The following RBM27 variants were observed in gnomAD, a reference collection of about 807,000 sequenced individuals.
The protein encoded by RBM27 is RNA-binding protein 27.
RBM27 carries 22 observed loss-of-function variants against 135.3 expected under a neutral mutation model. The ratio of observed to expected loss-of-function variants is 0.16; its 90% CI spans 0.12 to 0.23. The LOEUF (loss-of-function observed/expected upper bound fraction) is 0.23. RBM27 is among the 10% of genes least tolerant of loss of function. The pLI is 1.00. For missense variants in RBM27, 1,009 were observed against 1,281.0 expected, an observed-to-expected ratio of 0.79 and a Z score of 3.24; for synonymous variants, 481 against 442.4, an observed-to-expected ratio of 1.09 and a Z score of -1.10.
intron 8 of RBM27, among the ~76,000 whole-genome samples, chr5:146,246,501 C>G (rs1757628727): frequency 6.6e-6 from 1 of 152,108 alleles, no homozygotes; most frequent in African/African-American, 2.4e-5. Context: ...ATTACTGTAA[C>G]CTATTTGATA....
chr5:146,256,489 A>G (rs1202582546), intron 10 of RBM27, among the ~76,000 whole-genome samples: 1 of 151,434 alleles, frequency 6.6e-6, no homozygotes, highest in East Asian at 1.9e-4. Context: ...AGCTGGGATT[A>G]CAGGTGTGCA....
chr5:146,208,370 C>T (rs183128514), intron 1 of RBM27, among the ~76,000 whole-genome samples: 77 of 152,184 alleles, frequency 5.1e-4, no homozygotes, highest in Non-Finnish European at 5.1e-4. Flanking sequence ...TTGTAGGTGG[C>T]GAACATGTCT....
chr5:146,276,169 C>A (rs1759083830), intron 19 of RBM27, among the ~76,000 whole-genome samples: 1 of 151,892 alleles, frequency 6.6e-6, no homozygotes, highest in Non-Finnish European at 1.5e-5. Flanking sequence ...CTGCTTCCCA[C>A]CTCTCCAGTT....
intron 8 of RBM27, among the ~76,000 whole-genome samples, chr5:146,243,500 AG>A (rs1757497301): frequency 6.6e-6 from 1 of 152,198 alleles, no homozygotes; most frequent in Non-Finnish European, 1.5e-5. Context: ...TGTGATGTTC[AG>A]CCAGTAACTA....
At chr5:146,238,077 CT>C (rs1757245149) in intron 8 of RBM27, among the ~76,000 whole-genome samples, 2 of 152,258 alleles carry the variant, frequency 1.3e-5, no homozygotes, top group East Asian at 3.9e-4. Flanking sequence ...TAAGATGTAT[CT>C]CCTAAGAAGT....
chr5:146,218,325 G>A (rs564393508), intron 1 of RBM27, among the ~76,000 whole-genome samples: 1 of 152,282 alleles, frequency 6.6e-6, no homozygotes, highest in Admixed American at 6.5e-5. Flanking sequence ...GAAAAAATGA[G>A]AAGTAGATAA....
At position 146,219,803 on chromosome 5, in the gene RBM27, T is replaced by C. The variant is rs549181260; in HGVS notation, c.178+700T>C. 2.6e-5 allele frequency among the ~76,000 whole-genome samples: 4 copies of C among 152,300 alleles called. No individual in the cohort carries two copies. In the East Asian group the frequency reaches 7.7e-4, roughly 29 times the overall value. On this transcript the variant is annotated intron_variant, in intron 2 of 20. Coordinates refer to ENST00000265271, the MANE Select transcript of RBM27 (RefSeq NM_018989.2). ...AGCAGTTTCCCCTGAGTGCTCTACA[T>C]ACAGTGTAGTATACTCCATGCCTCC...
At chr5:146,204,715 C>T (rs1356715513) in intron 1 of RBM27, among the ~76,000 whole-genome samples, 1 of 151,896 alleles carries the variant, frequency 6.6e-6, no homozygotes, top group Admixed American at 6.6e-5. Flanking sequence ...TATTCTTGTG[C>T]CATTGAGAGG....
At chr5:146,276,280 G>A (rs1287041425) in intron 19 of RBM27, among the ~76,000 whole-genome samples, 1 of 152,036 alleles carries the variant, frequency 6.6e-6, no homozygotes, top group Non-Finnish European at 1.5e-5. Flanking sequence ...GTCTGGGGAA[G>A]GGTATGAAAT....
intron 1 of RBM27, among the ~76,000 whole-genome samples, chr5:146,214,006 T>C (rs114128500): frequency 1.3e-5 from 2 of 152,218 alleles, no homozygotes; most frequent in African/African-American, 4.8e-5. Flanking sequence ...AGGTAACTGT[T>C]GGTTGATACT....
intron 1 of RBM27, among the ~76,000 whole-genome samples, chr5:146,209,364 A>G (rs993099889): frequency 3.3e-5 from 5 of 152,244 alleles, no homozygotes; most frequent in Non-Finnish European, 5.9e-5. Flanking sequence ...AGTCAAAGTC[A>G]TAGACTTGAT....
intron 8 of RBM27, among the ~76,000 whole-genome samples, chr5:146,248,094 A>AC (rs1757707611): frequency 6.8e-6 from 1 of 148,044 alleles, no homozygotes; most frequent in South Asian, 2.1e-4. Flanking sequence ...TCCAAAGGGA[A>AC]CTCCTGTTTT....
intron 9 of RBM27, 87 bp downstream of exon 9, chr5:146,251,962 C>T: frequency 7.2e-7 from 1 of 1,392,772 alleles, no homozygotes; most frequent in Non-Finnish European, 1.0e-6. Context: ...GCATCCTGAT[C>T]TGCTGTTACA....
intron 8 of RBM27, among the ~76,000 whole-genome samples, chr5:146,240,975 A>G (rs1350408975): frequency 6.6e-6 from 1 of 152,008 alleles, no homozygotes; most frequent in Non-Finnish European, 1.5e-5. Flanking sequence ...CTCAGTTTCA[A>G]CCTTTATCAA....
chr5:146,261,728 C>T lies in RBM27; in HGVS notation c.2112C>T (p.His704=). 1.2e-6 allele frequency: 2 copies of T among 1,614,218 alleles called. No homozygotes were observed. The highest frequency in any genetic ancestry group is 1.3e-5 in the African/African-American group (1 of 75,068). The change falls in exon 13 of 21, where the codon CAC becomes CAT. Residue 704 remains histidine (H), a synonymous_variant. Coordinates refer to ENST00000265271, the MANE Select transcript of RBM27 (RefSeq NM_018989.2). ...TLSHLSQQHH[H]LPQHLHQQQV... ...GTCACCTCTCACAGCAGCACCATCA[C>T]CTGCCACAGCATCTACATCAGCAGC...
At chr5:146,267,436 G>GTT (rs1758662742) in intron 14 of RBM27, among the ~76,000 whole-genome samples, 1 of 152,130 alleles carries the variant, frequency 6.6e-6, no homozygotes, top group African/African-American at 2.4e-5. Flanking sequence ...GTGAAATTGT[G>GTT]TTTAACAGAA....
At chr5:146,228,463 G>A (rs1472573907) in intron 3 of RBM27, among the ~76,000 whole-genome samples, 3 of 151,574 alleles carry the variant, frequency 2.0e-5, no homozygotes, top group African/African-American at 4.9e-5. Flanking sequence ...TGTATTTTTA[G>A]TCGAGACAGG....
intron 14 of RBM27, among the ~76,000 whole-genome samples, chr5:146,264,787 GA>G (rs748260805): frequency 2.6e-5 from 4 of 151,600 alleles, no homozygotes; most frequent in Non-Finnish European, 5.9e-5. Flanking sequence ...AGAAAATCTA[GA>G]AATAGACTCA....
chr5:146,270,927 A>G (rs779109061), intron 17 of RBM27, 27 bp from the exon 18 acceptor site: 1 of 1,452,458 alleles, frequency 6.9e-7, no homozygotes, highest in Non-Finnish European at 9.6e-7. Flanking sequence ...TCTAAAAAAT[A>G]CCTTTTTATT....
Sources: gnomAD v4.1 joint callset for allele counts (sites outside exome capture counted in the v4.1 genomes callset) on GRCh38, gnomAD v4.1.1 for gene constraint, MANE v1.5 for transcripts, NCBI Gene and HGNC (gene_info 2026-07-23, HGNC 2026-07-21) for gene names.